The following WNT3A variants were observed in gnomAD, a reference collection of about 807,000 sequenced individuals.
WNT3A encodes protein Wnt-3a.
Under a neutral mutation model 37.0 loss-of-function variants are expected in WNT3A, and 17 were observed. The ratio of observed to expected loss-of-function variants is 0.46; its 90% CI spans 0.31 to 0.69. The LOEUF is 0.69. Ranked by LOEUF, WNT3A falls within the 30% of genes least tolerant of loss-of-function variation. The probability of loss-of-function intolerance (pLI) is 0.05; values close to 1 mark genes in which losing one functional copy is unlikely to be tolerated. For missense variants in WNT3A, 411 were observed against 510.2 expected (o/e 0.81, Z 1.87); for synonymous variants, 187 against 211.0 (o/e 0.89, Z 0.99).
chr1:228,012,251 C>G (rs1400762550), intron 1 of WNT3A, among the ~76,000 whole-genome samples: 1 of 152,188 alleles, frequency 6.6e-6, no homozygotes, highest in Non-Finnish European at 1.5e-5. Flanking sequence ...GGTGACAGGG[C>G]TCCCGCCATC....
Position 228,037,160 on chromosome 1 carries a change from G to A in WNT3A, c.314-13496G>A, listed in dbSNP as rs546378018. On this transcript the variant is annotated intron_variant, in intron 2 of 3. Coordinates refer to ENST00000284523, the MANE Select transcript of WNT3A (RefSeq NM_033131.4). This position sits in a 1 kb window ranked among gnomAD's most constrained non-coding sequence, Gnocchi z 4.1. Reference sequence around the variant, plus strand: ...CCAGAGCCCTGGGGTTTGCTTCTTCGTACCCAGTGTGGGTGGGGCCTGCAG... The same window carrying A: ...CCAGAGCCCTGGGGTTTGCTTCTTCATACCCAGTGTGGGTGGGGCCTGCAG... Among the ~76,000 whole-genome samples, 6 of 152,040 alleles carry A rather than the reference G, an allele frequency of 3.9e-5. No individual in the cohort carries two copies. The highest frequency in any genetic ancestry group is 7.4e-5 in the Non-Finnish European group (5 of 67,966).
At position 228,039,693 on chromosome 1, in the gene WNT3A, T is replaced by C. The variant is rs1263759294; in HGVS notation, c.314-10963T>C. Reference sequence around the variant, plus strand: ...TAGGTGCCCCCCACCCCAGTTGAACTTGGGTCCCCAGGGCGGCCCTGCAGT... The same window carrying C: ...TAGGTGCCCCCCACCCCAGTTGAACCTGGGTCCCCAGGGCGGCCCTGCAGT... On this transcript the variant is annotated intron_variant, in intron 2 of 3. Coordinates refer to ENST00000284523, the MANE Select transcript of WNT3A (RefSeq NM_033131.4). The surrounding 1 kb of genome is among the most constrained non-coding windows in gnomAD (Gnocchi z 4.1). 6.6e-6 allele frequency among the ~76,000 whole-genome samples: 1 copy of C among 152,114 alleles called. No individual in the cohort carries two copies. Among genetic ancestry groups the C allele is most frequent in the Non-Finnish European group, 1.5e-5 (1 of 68,002 alleles).
intron 2 of WNT3A, among the ~76,000 whole-genome samples, chr1:228,049,952 A>T (rs2031506387): frequency 6.6e-6 from 1 of 150,724 alleles, no homozygotes; most frequent in East Asian, 1.9e-4. Flanking sequence ...TAATTTTAAC[A>T]TTTTTTTGTA....
At chr1:228,047,301 C>T (rs781507709) in intron 2 of WNT3A, among the ~76,000 whole-genome samples, 1 of 152,194 alleles carries the variant, frequency 6.6e-6, no homozygotes, top group Non-Finnish European at 1.5e-5. Context: ...AAAAGTCAAC[C>T]AAAGCAGGCC....
In WNT3A at chr1:228,060,583, C is replaced by T. The variant is rs1443981445; in HGVS notation, c.*1118C>T. On this transcript the variant is annotated 3_prime_UTR_variant, in exon 4 of 4. Transcript: ENST00000284523. ...GCCCGCCCTGCCCGGGCTCCCACAC[C>T]GTCAGGTACTCCTGCCAGGGAACTG... 4.0e-6 allele frequency: 1 copy of T among 250,126 alleles called. No homozygotes were observed. Among genetic ancestry groups the T allele is most frequent in the African/African-American group, 2.3e-5 (1 of 44,378 alleles). The allele number at this position is 250,126 out of a possible 1,614,324, so 15.5% of individuals were successfully genotyped here. A position where few individuals can be genotyped will look rare whatever the true frequency, so the allele number is the denominator to read the frequency against.
chr1:228,060,190 T>A lies in WNT3A; in HGVS notation c.*725T>A. ...GGGAACCGCCCTCCTGATTAAGGCG[T>A]GGCTTCTGCAGGAATCCCGGCTCCA... On this transcript the variant is annotated 3_prime_UTR_variant, in exon 4 of 4. Coordinates refer to ENST00000284523, the MANE Select transcript of WNT3A (RefSeq NM_033131.4). 7.4e-7 allele frequency: 1 copy of A among 1,351,656 alleles called. No homozygotes were observed. The highest frequency in any genetic ancestry group is 9.8e-7 in the Non-Finnish European group (1 of 1,021,452). 83.7% of individuals were successfully genotyped at this position (1,351,656 alleles called of 1,614,324 possible).
At chr1:228,009,130 T>G (rs1162705662) in intron 1 of WNT3A, among the ~76,000 whole-genome samples, 2 of 151,984 alleles carry the variant, frequency 1.3e-5, no homozygotes, top group African/African-American at 2.4e-5. Context: ...CACCACTTTG[T>G]TCTCAGTAGG....
At chr1:228,030,842 T>G (rs903159557) in intron 2 of WNT3A, among the ~76,000 whole-genome samples, 1 of 152,318 alleles carries the variant, frequency 6.6e-6, no homozygotes, top group South Asian at 2.1e-4. Flanking sequence ...CTTCACAGCC[T>G]CTGGTCAGCC....
intron 2 of WNT3A, among the ~76,000 whole-genome samples, chr1:228,025,451 C>A (rs943305676): frequency 6.6e-6 from 1 of 151,900 alleles, no homozygotes; most frequent in African/African-American, 2.4e-5. Context: ...CAGGTTCAAG[C>A]GATCCTCCTG....
At position 228,031,994 on chromosome 1, in the gene WNT3A, C is replaced by T. The variant is rs974549970; in HGVS notation, c.313+9086C>T. On this transcript the variant is annotated intron_variant, in intron 2 of 3. Coordinates refer to ENST00000284523, the MANE Select transcript of WNT3A (RefSeq NM_033131.4). The surrounding 1 kb of genome is among the most constrained non-coding windows in gnomAD (Gnocchi z 4.8). Reference sequence around the variant, plus strand: ...AGCCATACCAGGTGATGGAGGAAGGCTGTGCTGCATGGGGTCAGAGGGGAA... The same window carrying T: ...AGCCATACCAGGTGATGGAGGAAGGTTGTGCTGCATGGGGTCAGAGGGGAA... Among the ~76,000 whole-genome samples the T allele has an allele frequency of 6.6e-6, 1 of 152,144 alleles. No individual in the cohort carries two copies. The highest frequency in any genetic ancestry group is 2.4e-5 in the African/African-American group (1 of 41,426).
intron 2 of WNT3A, among the ~76,000 whole-genome samples, chr1:228,032,286 C>A (rs2031030714): frequency 6.6e-6 from 1 of 152,170 alleles, no homozygotes; most frequent in African/African-American, 2.4e-5. Context: ...CCTTGGGGAG[C>A]CTGTGCATCA....
intron 1 of WNT3A, among the ~76,000 whole-genome samples, chr1:228,016,312 G>C (rs534729398): frequency 1.5e-3 from 222 of 152,280 alleles, no homozygotes; most frequent in South Asian, 2.9e-3. Flanking sequence ...GAGGCAGCCT[G>C]GGTGAACCCA....
intron 2 of WNT3A, among the ~76,000 whole-genome samples, chr1:228,033,150 TC>T (rs1258056632): frequency 6.6e-6 from 1 of 152,214 alleles, no homozygotes; most frequent in East Asian, 1.9e-4. Flanking sequence ...CTTGATGGTG[TC>T]CTTTGATACA....
Position 228,050,514 on chromosome 1 carries a change from C to A in WNT3A, c.314-142C>A. On this transcript the variant is annotated intron_variant, in intron 2 of 3. Coordinates refer to ENST00000284523, the MANE Select transcript of WNT3A (RefSeq NM_033131.4). This position sits in a 1 kb window ranked among gnomAD's most constrained non-coding sequence, Gnocchi z 5.0. ...TCTGTGTAGCCTGTAGATCCGTGAA[C>A]CAAGTAAGCCTCTTTGCCTTATACA... 1.9e-6 allele frequency: 2 copies of A among 1,035,332 alleles called. No homozygotes were observed. The highest frequency in any genetic ancestry group is 2.6e-6 in the Non-Finnish European group (2 of 756,386). 64.1% of individuals were successfully genotyped at this position (1,035,332 alleles called of 1,614,324 possible).
chr1:228,010,258 C>G (rs956456319), intron 1 of WNT3A, among the ~76,000 whole-genome samples: 1 of 152,214 alleles, frequency 6.6e-6, no homozygotes, highest in Non-Finnish European at 1.5e-5. Context: ...TCCCTTCTTC[C>G]CATGTCTGGG....
chr1:228,036,148 A>G (rs1295293494), intron 2 of WNT3A, among the ~76,000 whole-genome samples: 1 of 152,004 alleles, frequency 6.6e-6, no homozygotes, highest in Admixed American at 6.5e-5. Context: ...GTCAAAGGTC[A>G]CCCCAGGCTT....
rs1450700024 is a variant in WNT3A, at chr1:228,060,417, G to A, written c.*952G>A. 1 of 805,210 alleles carries A rather than the reference G, an allele frequency of 1.2e-6. No individual in the cohort carries two copies. Among genetic ancestry groups the A allele is most frequent in the East Asian group, 5.7e-5 (1 of 17,574 alleles). The allele number at this position is 805,210 out of a possible 1,614,324, so 49.9% of individuals were successfully genotyped here. A position where few individuals can be genotyped will look rare whatever the true frequency, so the allele number is the denominator to read the frequency against. ...CCTGTGCCACCCCTTCCTCAGCCTGGGGTTTGACCACCCACCTGACCAGGG... is the reference window on the plus strand; with the variant it reads ...CCTGTGCCACCCCTTCCTCAGCCTGAGGTTTGACCACCCACCTGACCAGGG... On this transcript the variant is annotated 3_prime_UTR_variant, in exon 4 of 4. Coordinates refer to ENST00000284523, the MANE Select transcript of WNT3A (RefSeq NM_033131.4).
Position 228,059,237 on chromosome 1 carries a change from G to A in WNT3A, c.831G>A (p.Ser277=). Residue 277 remains serine, a synonymous_variant, in exon 4 of 4, where the codon TCG becomes TCA. Transcript: ENST00000284523. The stretch of plus-strand genomic sequence containing the variant: ...GCGACCTGGTCTACTACGAGGCCTC[G>A]CCCAACTTCTGCGAGCCCAACCCTG... The part of the protein sequence containing the change: ...TERDLVYYEA[S]PNFCEPNPET... The A allele has an allele frequency of 1.2e-6, 2 of 1,609,812 alleles. No homozygotes were observed. The highest frequency in any genetic ancestry group is 8.5e-7 in the Non-Finnish European group (1 of 1,179,552).
At position 228,059,905 on chromosome 1, in the gene WNT3A, G is replaced by A. The variant is rs377367177; in HGVS notation, c.*440G>A. 53 of 1,043,934 alleles carry A rather than the reference G, an allele frequency of 5.1e-5. No individual in the cohort carries two copies. Among genetic ancestry groups the A allele is most frequent in the Admixed American group, 4.1e-4 (8 of 19,298 alleles). The allele number at this position is 1,043,934 out of a possible 1,614,324, so 64.7% of individuals were successfully genotyped here. A position where few individuals can be genotyped will look rare whatever the true frequency, so the allele number is the denominator to read the frequency against. On this transcript the variant is annotated 3_prime_UTR_variant, in exon 4 of 4. Transcript: ENST00000284523. Reference sequence around the variant, plus strand: ...GCAGGCGGGGCTCCTCCTGAAGGAGGCGGGGCTCTAGGATGGGGCACGGCT... The same window carrying A: ...GCAGGCGGGGCTCCTCCTGAAGGAGACGGGGCTCTAGGATGGGGCACGGCT...
Sources: gnomAD v4.1 joint callset for allele counts (sites outside exome capture counted in the v4.1 genomes callset) on GRCh38, gnomAD v4.1.1 for gene constraint, Gnocchi (gnomAD v3.1) non-coding constraint, MANE v1.5 for transcripts, NCBI Gene and HGNC (gene_info 2026-07-23, HGNC 2026-07-21) for gene names.